Variants in SPON1 observed in about 807,000 individuals in gnomAD.
SPON1 encodes spondin-1.
In SPON1, 52 loss-of-function variants were observed where a neutral mutation model predicts 111.7. The observed-to-expected ratio is 0.47, with a 90% CI of 0.37 to 0.59. The LOEUF (loss-of-function observed/expected upper bound fraction) is 0.59, where lower values mean the gene tolerates loss of function less well. Among genes scored for constraint, SPON1 ranks in the 20% least tolerant of loss-of-function variants. The pLI, the probability that SPON1 is intolerant of heterozygous loss-of-function variation, is 0.00. For missense variants in SPON1, 957 were observed against 1,068.5 expected (o/e 0.90, Z 1.46); for synonymous variants, 410 against 395.8 (o/e 1.04, Z -0.43).
rs1554941386 is a variant in SPON1, at chr11:14,257,764, C to T, written c.1358C>T (p.Ala453Val). The T allele has an allele frequency of 6.2e-7, 1 of 1,613,440 alleles. No homozygotes were observed. The highest frequency in any genetic ancestry group is 8.5e-7 in the Non-Finnish European group (1 of 1,179,716). The change falls in exon 11 of 16, where the codon GCC becomes GTC. Residue 453 changes from alanine (A) to valine (V), a missense_variant. Around this residue, in one of 5 missense-constraint regions of SPON1, gnomAD observed 549 missense variants for 606.2 expected, o/e 0.91. Transcript: ENST00000576479. ...TACTCCAACTGGTCCCCATGGTCCG[C>T]CTGCAGCTCCTCCACCTGTGACAAA... ...CIYSNWSPWS[A>V]CSSSTCDKGK...
chr11:14,235,437 G>A (rs1848852497), intron 6 of SPON1, among the ~76,000 whole-genome samples: 1 of 152,120 alleles, frequency 6.6e-6, no homozygotes, highest in Non-Finnish European at 1.5e-5. Flanking sequence ...CCAACACTTT[G>A]GGAGGCTGAG....
rs782152324 is a variant in SPON1 at position 14,259,368 on chromosome 11, T to C, written c.1581T>C (p.Tyr527=). ...TGGGCATGAGGTCCCGGGAGAGGTA[T>C]GTGAAGCAGTTCCCGGAGGACGGCT... ...CGMGMRSRER[Y]VKQFPEDGSV... is the part of the protein sequence containing the mutation. The change falls in exon 12 of 16, where the codon TAT becomes TAC. Residue 527 remains tyrosine, a synonymous_variant. Coordinates refer to ENST00000576479, the MANE Select transcript of SPON1 (RefSeq NM_006108.4). This position sits in a 1 kb window ranked among gnomAD's most constrained non-coding sequence, Gnocchi z 5.0. 1.4e-5 allele frequency: 22 copies of C among 1,610,646 alleles called. No individual in the cohort carries two copies. In the Admixed American group the frequency reaches 2.8e-4, roughly 21 times the overall value.
intron 6 of SPON1, among the ~76,000 whole-genome samples, chr11:14,162,670 T>G (rs547333589): frequency 1.3e-5 from 2 of 152,314 alleles, no homozygotes; most frequent in African/African-American, 4.8e-5. Flanking sequence ...AAAAATGCCT[T>G]CCTTTTCTCA....
chr11:14,160,004 A>G, intron 6 of SPON1, among the ~76,000 whole-genome samples: 1 of 152,060 alleles, frequency 6.6e-6, no homozygotes, highest in East Asian at 1.9e-4. Flanking sequence ...ATAGTCAATA[A>G]TAACTTAATT....
intron 6 of SPON1, among the ~76,000 whole-genome samples, chr11:14,221,116 T>G (rs754374793): frequency 4.6e-5 from 7 of 152,212 alleles, no homozygotes; most frequent in Non-Finnish European, 1.0e-4. Flanking sequence ...TACTCGTTCA[T>G]TCATTCAACC....
At chr11:14,198,072 A>C (rs186287200) in intron 6 of SPON1, among the ~76,000 whole-genome samples, 54 of 152,346 alleles carry the variant, frequency 3.5e-4, no homozygotes, top group Middle Eastern at 3.4e-3. Flanking sequence ...GTAATTAACT[A>C]CCCACACCAT....
chr11:14,137,778 C>T (rs1554928283), intron 6 of SPON1, among the ~76,000 whole-genome samples: 1 of 152,130 alleles, frequency 6.6e-6, no homozygotes, highest in African/African-American at 2.4e-5. Context: ...CCAGGCCTAC[C>T]TGTATAATTT....
intron 6 of SPON1, among the ~76,000 whole-genome samples, chr11:14,154,549 C>G (rs1280261869): frequency 6.6e-6 from 1 of 152,208 alleles, no homozygotes; most frequent in African/African-American, 2.4e-5. Flanking sequence ...CCCACAAAAC[C>G]ATTTTTCCCT....
chr11:14,023,718 A>T (rs931859293), intron 2 of SPON1, among the ~76,000 whole-genome samples: 14 of 152,138 alleles, frequency 9.2e-5, no homozygotes, highest in Admixed American at 3.3e-4. Flanking sequence ...TGGAAAAAAG[A>T]CTGGGCCAGG....
At chr11:14,152,308 C>T (rs1197389253) in intron 6 of SPON1, among the ~76,000 whole-genome samples, 1 of 152,222 alleles carries the variant, frequency 6.6e-6, no homozygotes, top group East Asian at 1.9e-4. Flanking sequence ...CAACCTATTT[C>T]CCAACAGACT....
intron 6 of SPON1, among the ~76,000 whole-genome samples, chr11:14,139,242 C>T (rs1415877378): frequency 6.6e-6 from 1 of 152,218 alleles, no homozygotes; most frequent in Admixed American, 6.5e-5. Flanking sequence ...TGGACCTTCT[C>T]TCAGCCAGAC....
intron 5 of SPON1, among the ~76,000 whole-genome samples, chr11:14,125,912 C>G (rs540358822): frequency 6.6e-6 from 1 of 152,276 alleles, no homozygotes; most frequent in South Asian, 2.1e-4. Flanking sequence ...GCCTGGGAAC[C>G]AGGATTGTTG....
intron 6 of SPON1, among the ~76,000 whole-genome samples, chr11:14,207,445 A>T (rs1328781949): frequency 1.3e-5 from 2 of 152,192 alleles, no homozygotes; most frequent in African/African-American, 4.8e-5. Context: ...TAGGAGAAAA[A>T]TTTTGCAAAC....
chr11:14,206,734 T>C (rs1591411079), intron 6 of SPON1, among the ~76,000 whole-genome samples: 1 of 152,038 alleles, frequency 6.6e-6, no homozygotes. Flanking sequence ...AAATCACAGA[T>C]GACACAAACA....
chr11:14,206,296 C>T (rs1225461423), intron 6 of SPON1, among the ~76,000 whole-genome samples: 2 of 152,020 alleles, frequency 1.3e-5, no homozygotes, highest in South Asian at 2.1e-4. Context: ...CAGGTTCAAG[C>T]GATTCTTCTG....
At chr11:14,134,389 C>T (rs1847566523) in intron 5 of SPON1, among the ~76,000 whole-genome samples, 1 of 152,202 alleles carries the variant, frequency 6.6e-6, no homozygotes, top group Admixed American at 6.5e-5. Context: ...ATAAAATCCT[C>T]AAGTCAAGTT....
chr11:14,072,908 T>C (rs1386263582), intron 3 of SPON1, among the ~76,000 whole-genome samples: 2 of 152,178 alleles, frequency 1.3e-5, no homozygotes, highest in Non-Finnish European at 2.9e-5. Context: ...CCCTGCAGGC[T>C]CTGGGTAATG....
At chr11:13,971,129 G>A (rs189347158) in intron 1 of SPON1, among the ~76,000 whole-genome samples, 191 of 152,352 alleles carry the variant, frequency 1.3e-3, no homozygotes, top group Non-Finnish European at 2.4e-3. Flanking sequence ...GCAGACAGGA[G>A]GCAAGGAGCT....
intron 6 of SPON1, among the ~76,000 whole-genome samples, chr11:14,187,986 G>A (rs1475248446): frequency 5.3e-5 from 8 of 152,140 alleles, no homozygotes; most frequent in Non-Finnish European, 1.2e-4. Context: ...TTGCCATGTT[G>A]GTCAGACTGG....
Sources: gnomAD v4.1 joint callset for allele counts (sites outside exome capture counted in the v4.1 genomes callset) on GRCh38, gnomAD v4.1.1 for gene constraint, gnomAD v4.1.1 regional missense constraint, Gnocchi (gnomAD v3.1) non-coding constraint, MANE v1.5 for transcripts, NCBI Gene and HGNC (gene_info 2026-07-23, HGNC 2026-07-21) for gene names.